The following UBE2Q2 variants were observed in gnomAD, a reference collection of about 807,000 sequenced individuals.
UBE2Q2 encodes ubiquitin conjugating enzyme E2 Q2.
UBE2Q2 carries 54 observed loss-of-function variants against 59.9 expected under a neutral mutation model. The ratio of observed to expected loss-of-function variants is 0.90; its 90% confidence interval spans 0.72 to 1.13. The LOEUF (loss-of-function observed/expected upper bound fraction) is 1.13. Among genes scored for constraint, UBE2Q2 ranks in the 50% most tolerant of loss-of-function variants. The probability of loss-of-function intolerance (pLI) is 0.00; values close to 1 mark genes in which losing one functional copy is unlikely to be tolerated. For missense variants in UBE2Q2, 433 were observed against 441.9 expected (o/e 0.98, Z 0.18); for synonymous variants, 165 against 155.2 (o/e 1.06, Z -0.47).
chr15:75,856,890 G>A (rs1332038144), intron 2 of UBE2Q2, among the ~76,000 whole-genome samples: 3 of 151,558 alleles, frequency 2.0e-5, no homozygotes, highest in African/African-American at 7.3e-5. Context: ...GCAGTGAGCC[G>A]AGATTGTGCC....
Position 75,869,088 on chromosome 15 carries a change from T to G in UBE2Q2, c.447+78T>G. On this transcript the variant is annotated intron_variant, in intron 4 of 12. Coordinates refer to ENST00000267938, the MANE Select transcript of UBE2Q2 (RefSeq NM_173469.4). ...TTGAGTAATTCTCAAATCTTTTTTA[T>G]AGACTACTATTAATGTGGAATAATT... 8 of 1,179,468 alleles carry G rather than the reference T, an allele frequency of 6.8e-6. No homozygotes were observed. In the South Asian group the frequency reaches 8.1e-5, roughly 12 times the overall value. The allele number at this position is 1,179,468 out of a possible 1,614,324, so 73.1% of individuals were successfully genotyped here.
intron 1 of UBE2Q2, among the ~76,000 whole-genome samples, chr15:75,845,605 C>T (rs1489816246): frequency 6.6e-6 from 1 of 152,092 alleles, no homozygotes; most frequent in East Asian, 1.9e-4. Flanking sequence ...TATCTTTCAT[C>T]CAGGATTAGA....
intron 1 of UBE2Q2, among the ~76,000 whole-genome samples, chr15:75,852,849 C>T (rs1241348561): frequency 6.6e-6 from 1 of 152,136 alleles, no homozygotes; most frequent in Non-Finnish European, 1.5e-5. Flanking sequence ...CATTATTGAC[C>T]AGGTATACTA....
Position 75,843,686 on chromosome 15 carries a change from AGGCCGAGCTG to A in UBE2Q2, c.21_30del (p.Ala8SerfsTer69), listed in dbSNP as rs1056830936. 2 of 1,610,048 alleles carry A rather than the reference AGGCCGAGCTG, an allele frequency of 1.2e-6. No homozygotes were observed. Among genetic ancestry groups the A allele is most frequent in the African/African-American group, 2.7e-5 (2 of 74,052 alleles). The stretch of plus-strand genomic sequence containing the variant: ...GGGAAGATGTCCGTGTCAGGGCTCA[AGGCCGAGCTG>A]AAGTTCCTGGCGTCCATCTTCGACA... On this transcript the variant is annotated frameshift_variant, in exon 1 of 13. Coordinates refer to ENST00000267938, the MANE Select transcript of UBE2Q2 (RefSeq NM_173469.4). LOFTEE classifies it high-confidence loss of function.
chr15:75,860,071 A>G (rs990925984), intron 3 of UBE2Q2, 89 bp downstream of exon 3: 1 of 919,388 alleles, frequency 1.1e-6, no homozygotes, highest in Non-Finnish European at 1.7e-6. Flanking sequence ...TTATTGTTCA[A>G]CTTATTTAGA....
chr15:75,846,746 C>G (rs998151145), intron 1 of UBE2Q2, among the ~76,000 whole-genome samples: 6 of 152,174 alleles, frequency 3.9e-5, no homozygotes, highest in African/African-American at 1.4e-4. Flanking sequence ...TATTTGAATT[C>G]TACATGCTAG....
intron 1 of UBE2Q2, among the ~76,000 whole-genome samples, chr15:75,847,597 A>T (rs1214373734): frequency 1.3e-5 from 2 of 152,226 alleles, no homozygotes; most frequent in Non-Finnish European, 2.9e-5. Context: ...CATCTTCAGT[A>T]AACTAACCTG....
chr15:75,859,430 T>C (rs1897097098), intron 2 of UBE2Q2, among the ~76,000 whole-genome samples: 1 of 152,190 alleles, frequency 6.6e-6, no homozygotes, highest in African/African-American at 2.4e-5. Flanking sequence ...TATTTTTAAA[T>C]GAATATGACT....
At chr15:75,859,106 A>C (rs747303604) in intron 2 of UBE2Q2, among the ~76,000 whole-genome samples, 9 of 152,238 alleles carry the variant, frequency 5.9e-5, no homozygotes, top group African/African-American at 1.9e-4. Flanking sequence ...TTAAACAATG[A>C]ACACCATACT....
intron 3 of UBE2Q2, among the ~76,000 whole-genome samples, chr15:75,868,010 A>G (rs1897592968): frequency 6.6e-6 from 1 of 152,222 alleles, no homozygotes; most frequent in African/African-American, 2.4e-5. Context: ...TTAATTCTGC[A>G]TGGGTATGTT....
rs1217239634 is a variant in UBE2Q2 at position 75,843,762 on chromosome 15, C to T, written c.96C>T (p.Asp32=). Residue 32 remains aspartate (D), a synonymous_variant, in exon 1 of 13, where the codon GAC becomes GAT. Transcript: ENST00000267938. ...ERFRIVSWKL[D]ELHCQFLVPQ... ...TCCGCATCGTCAGTTGGAAGCTGGA[C>T]GAGCTGCACTGCCAGTTCCTGGTGC... 5 of 1,610,534 alleles carry T rather than the reference C, an allele frequency of 3.1e-6. No individual in the cohort carries two copies. The highest frequency in any genetic ancestry group is 1.1e-5 in the South Asian group (1 of 90,544).
In UBE2Q2 at chr15:75,874,543, C is replaced by T. The variant is rs373180024; in HGVS notation, c.588+975C>T. On this transcript the variant is annotated intron_variant, in intron 5 of 12. Coordinates refer to ENST00000267938, the MANE Select transcript of UBE2Q2 (RefSeq NM_173469.4). ...AAGTGATCCACCTGCCTTGGCCTCC[C>T]GAAGTGCTGGGATTACAGGTGTGAG... Among the ~76,000 whole-genome samples, 5 of 152,202 alleles carry T rather than the reference C, an allele frequency of 3.3e-5. 1 individual carries two copies. The South Asian group carries it at 6.2e-4, about 19-fold the overall frequency.
At chr15:75,848,157 T>A (rs1458021771) in intron 1 of UBE2Q2, among the ~76,000 whole-genome samples, 1 of 152,220 alleles carries the variant, frequency 6.6e-6, no homozygotes, top group African/African-American at 2.4e-5. Flanking sequence ...AGAGGAAAGC[T>A]CTTTGGCAAT....
At chr15:75,880,893 C>CT in intron 8 of UBE2Q2, among the ~76,000 whole-genome samples, 1 of 152,306 alleles carries the variant, frequency 6.6e-6, no homozygotes, top group African/African-American at 2.4e-5. Flanking sequence ...TAGTAATTTT[C>CT]TAAAAGCTTC....
intron 1 of UBE2Q2, among the ~76,000 whole-genome samples, chr15:75,847,446 T>C (rs933648538): frequency 1.1e-4 from 17 of 152,286 alleles, no homozygotes; most frequent in African/African-American, 4.1e-4. Flanking sequence ...GCTAATTCTT[T>C]TCCTGTTTTA....
At chr15:75,869,712 A>G (rs12324675) in intron 4 of UBE2Q2, among the ~76,000 whole-genome samples, 4,043 of 152,280 alleles carry the variant, frequency 0.027, 205 homozygotes, top group African/African-American at 0.093. Context: ...TAAAGGTCCT[A>G]CCTCTTAATA....
Position 75,867,215 on chromosome 15 carries a change from A to G in UBE2Q2, c.388-1736A>G, listed in dbSNP as rs542338670. 1.4e-4 allele frequency among the ~76,000 whole-genome samples: 21 copies of G among 152,332 alleles called. 2 individuals are homozygous for G. The South Asian group carries it at 3.9e-3, about 29-fold the overall frequency. On this transcript the variant is annotated intron_variant, in intron 3 of 12. Transcript: ENST00000267938. ...TTTTGCTGCTGCATTGAGTTATACT[A>G]AAAACACTCTCTGTCTTTTCTGTCT...
At position 75,901,015 on chromosome 15, in the gene UBE2Q2, CAA is replaced by C. The variant is rs1480099608; in HGVS notation, c.*1558_*1559del. ...TACAGTAAATTTTGTAAACTTGCAT[CAA>C]GTTTATGAATAAAGAACCATTTAAA... On this transcript the variant is annotated 3_prime_UTR_variant, in exon 13 of 13. Transcript: ENST00000267938. 1 of 152,480 alleles carries C rather than the reference CAA, an allele frequency of 6.6e-6. No homozygotes were observed. Among genetic ancestry groups the C allele is most frequent in the East Asian group, 1.9e-4 (1 of 5,196 alleles). 9.4% of individuals were successfully genotyped at this position (152,480 alleles called of 1,614,324 possible). A position where few individuals can be genotyped will look rare whatever the true frequency, so the allele number is the denominator to read the frequency against.
At chr15:75,875,683 T>C (rs1898036914) in intron 5 of UBE2Q2, among the ~76,000 whole-genome samples, 1 of 152,188 alleles carries the variant, frequency 6.6e-6, no homozygotes, top group African/African-American at 2.4e-5. Flanking sequence ...TGAGAAGAAA[T>C]AGGAAATGAA....
Sources: gnomAD v4.1 joint callset for allele counts (sites outside exome capture counted in the v4.1 genomes callset) on GRCh38, gnomAD v4.1.1 for gene constraint, MANE v1.5 for transcripts, NCBI Gene and HGNC (gene_info 2026-07-23, HGNC 2026-07-21) for gene names.